The following OSBPL1A variants were observed in gnomAD, a reference collection of about 807,000 sequenced individuals.
OSBPL1A encodes the protein oxysterol-binding protein-related protein 1.
Under a neutral mutation model 137.1 loss-of-function variants are expected in OSBPL1A, and 80 were observed. The observed-to-expected ratio is 0.58, with a 90% confidence interval of 0.49 to 0.70. OSBPL1A has a LOEUF of 0.70. Ranked by LOEUF, OSBPL1A falls within the 30% of genes least tolerant of loss-of-function variation. The pLI, the probability that OSBPL1A is intolerant of heterozygous loss-of-function variation, is 0.00. For synonymous variants in OSBPL1A, 365 were observed against 389.7 expected (o/e 0.94, Z 0.75); for missense variants, 970 against 1,129.4 (o/e 0.86, Z 2.02).
chr18:24,309,160 G>A (rs1489869626), intron 13 of OSBPL1A, among the ~76,000 whole-genome samples: 2 of 152,288 alleles, frequency 1.3e-5, no homozygotes, highest in Middle Eastern at 3.4e-3. Flanking sequence ...TATCATATTG[G>A]ACAGCGCAGT....
intron 17 of OSBPL1A, among the ~76,000 whole-genome samples, chr18:24,211,387 T>C (rs1253921894): frequency 6.6e-6 from 1 of 152,240 alleles, no homozygotes; most frequent in Non-Finnish European, 1.5e-5. Context: ...GATAACTGGA[T>C]TCTCATAACT....
intron 15 of OSBPL1A, among the ~76,000 whole-genome samples, chr18:24,253,100 G>A (rs1408114065): frequency 3.5e-5 from 5 of 141,912 alleles, no homozygotes; most frequent in African/African-American, 1.3e-4. Context: ...CAAAACGACA[G>A]GAGTCCCTAC....
intron 7 of OSBPL1A, among the ~76,000 whole-genome samples, chr18:24,322,343 G>A (rs531649549): frequency 6.0e-5 from 9 of 150,940 alleles, no homozygotes; most frequent in African/African-American, 1.7e-4. Context: ...GGATGGTCTC[G>A]ATCTCCTGAC....
intron 15 of OSBPL1A, among the ~76,000 whole-genome samples, chr18:24,270,335 A>C (rs2089687549): frequency 6.6e-6 from 1 of 152,232 alleles, no homozygotes; most frequent in Admixed American, 6.5e-5. Flanking sequence ...CCTGAGTATC[A>C]GTAAGACCTT....
intron 15 of OSBPL1A, among the ~76,000 whole-genome samples, chr18:24,274,966 G>C (rs965022859): frequency 2.6e-5 from 4 of 151,210 alleles, no homozygotes; most frequent in African/African-American, 9.7e-5. Context: ...GGAAGGAGAA[G>C]CCAAAAGAGG....
intron 4 of OSBPL1A, among the ~76,000 whole-genome samples, chr18:24,361,201 TG>T (rs1424942306): frequency 6.6e-6 from 1 of 152,128 alleles, no homozygotes; most frequent in East Asian, 1.9e-4. Flanking sequence ...GGCTAATTTT[TG>T]ATTTTGTAGA....
intron 11 of OSBPL1A, 132 bp from the exon 12 acceptor site, chr18:24,314,479 A>G: frequency 1.9e-6 from 1 of 537,422 alleles, no homozygotes; most frequent in Non-Finnish European, 3.2e-6. Flanking sequence ...ATTGACAGAT[A>G]AAAATTGGAA....
chr18:24,180,496 T>A (rs904171322), intron 19 of OSBPL1A, among the ~76,000 whole-genome samples: 1 of 152,222 alleles, frequency 6.6e-6, no homozygotes, highest in East Asian at 1.9e-4. Flanking sequence ...TGTGTTAACT[T>A]CTTCTTGGAA....
At chr18:24,242,912 G>A (rs2088752634) in intron 15 of OSBPL1A, among the ~76,000 whole-genome samples, 1 of 152,108 alleles carries the variant, frequency 6.6e-6, no homozygotes, top group East Asian at 1.9e-4. Context: ...ACTAAGGCTA[G>A]AGTCAACTTA....
At chr18:24,280,350 G>A (rs1260257917) in intron 15 of OSBPL1A, among the ~76,000 whole-genome samples, 1 of 152,126 alleles carries the variant, frequency 6.6e-6, no homozygotes, top group African/African-American at 2.4e-5. Context: ...CCAAAATGCT[G>A]GAATTACAGG....
intron 17 of OSBPL1A, among the ~76,000 whole-genome samples, chr18:24,208,652 T>G (rs1237678261): frequency 6.6e-6 from 1 of 152,234 alleles, no homozygotes; most frequent in African/African-American, 2.4e-5. Flanking sequence ...ACCATTAGAT[T>G]CCAAGCCCTG....
intron 15 of OSBPL1A, among the ~76,000 whole-genome samples, chr18:24,256,993 G>GAAAAAAAAAAAAAAAAAAAAA (rs1182823148): frequency 2.6e-5 from 2 of 75,830 alleles, no homozygotes; most frequent in South Asian, 4.0e-4. Flanking sequence ...AAAAAAAAAG[G>GAAAAAAAAAAAAAAAAAAAAA]AAAGATATTC....
At chr18:24,269,851 A>AACACGC (rs376998093) in intron 15 of OSBPL1A, among the ~76,000 whole-genome samples, 1 of 139,988 alleles carries the variant, frequency 7.1e-6, no homozygotes, top group Non-Finnish European at 1.5e-5. Flanking sequence ...TGACAAGCCT[A>AACACGC]ACACACACAC....
chr18:24,302,183 A>G (rs2090414678), intron 14 of OSBPL1A, among the ~76,000 whole-genome samples: 1 of 150,774 alleles, frequency 6.6e-6, no homozygotes, highest in Admixed American at 6.6e-5. Context: ...GCAGTGAGCC[A>G]AGATCGCGCC....
chr18:24,385,175 C>A (rs773708684), intron 1 of OSBPL1A, among the ~76,000 whole-genome samples: 1 of 151,972 alleles, frequency 6.6e-6, no homozygotes, highest in Non-Finnish European at 1.5e-5. Flanking sequence ...AGGATGGTCT[C>A]TATCTCCTGA....
chr18:24,183,746 T>C (rs991146672), intron 18 of OSBPL1A, among the ~76,000 whole-genome samples: 1 of 152,208 alleles, frequency 6.6e-6, no homozygotes, highest in African/African-American at 2.4e-5. Context: ...CAGATTTGTT[T>C]GTTTTAATGC....
chr18:24,332,385 CAAA>C (rs71163675), intron 7 of OSBPL1A, among the ~76,000 whole-genome samples: 5 of 53,056 alleles, frequency 9.4e-5, no homozygotes, highest in African/African-American at 2.8e-4. Context: ...GACTCTGTCT[CAAA>C]AAAAAAAAAA....
chr18:24,339,109 T>C (rs2091231943), intron 5 of OSBPL1A, among the ~76,000 whole-genome samples: 1 of 151,974 alleles, frequency 6.6e-6, no homozygotes, highest in Admixed American at 6.6e-5. Context: ...GTTGCTGGGA[T>C]TACAGGTGTC....
intron 7 of OSBPL1A, among the ~76,000 whole-genome samples, chr18:24,319,683 AAAAC>A (rs55760510): frequency 3.7e-4 from 56 of 152,118 alleles, no homozygotes; most frequent in Non-Finnish European, 7.5e-4. Context: ...AAAAGGTAAA[AAAAC>A]AAACAAACAA....
Sources: allele counts gnomAD v4.1 joint callset (sites outside exome capture counted in the v4.1 genomes callset), GRCh38; gene constraint gnomAD v4.1.1; transcripts MANE v1.5; gene names NCBI Gene and HGNC (gene_info 2026-07-23, HGNC 2026-07-21).